TRPC4: variants seen among roughly 807,000 people sequenced by gnomAD.
TRPC4 encodes the protein transient receptor potential cation channel subfamily C member 4, also known as short transient receptor potential channel 4.
In TRPC4, 49 loss-of-function variants were observed where a neutral mutation model predicts 99.4. That is an observed-to-expected ratio of 0.49 (90% CI 0.39 to 0.63). The LOEUF (loss-of-function observed/expected upper bound fraction) is 0.63. TRPC4 is among the 20% of genes least tolerant of loss of function. The probability of loss-of-function intolerance (pLI) is 0.00; values close to 1 mark genes in which losing one functional copy is unlikely to be tolerated. For missense variants in TRPC4, 898 were observed against 1,152.9 expected (o/e 0.78, Z 3.20); for synonymous variants, 454 against 425.9 (o/e 1.07, Z -0.81).
At position 37,846,886 on chromosome 13, in the gene TRPC4, G is replaced by A. The variant is rs954413561; in HGVS notation, c.-28+22709C>T. 3.3e-5 allele frequency among the ~76,000 whole-genome samples: 5 copies of A among 151,890 alleles called. No homozygotes were observed. The South Asian group carries it at 8.3e-4, about 25-fold the overall frequency. On this transcript the variant is annotated intron_variant, in intron 1 of 10. Transcript: ENST00000379705. Reference sequence around the variant, plus strand: ...TTGGAAAAAAGTATTTCCCACAAATGGAAATTAAGAGAATAAGAGTAGTTA... The same window carrying A: ...TTGGAAAAAAGTATTTCCCACAAATAGAAATTAAGAGAATAAGAGTAGTTA...
chr13:37,783,922 G>A (rs540589737), intron 1 of TRPC4, among the ~76,000 whole-genome samples: 1 of 151,816 alleles, frequency 6.6e-6, no homozygotes, highest in African/African-American at 2.4e-5. Context: ...TGCCCAGGCT[G>A]GTCTCGAACT....
intron 3 of TRPC4, among the ~76,000 whole-genome samples, chr13:37,708,814 C>T (rs1385894399): frequency 6.6e-6 from 1 of 151,052 alleles, no homozygotes; most frequent in East Asian, 1.9e-4. Flanking sequence ...GTAAAAGTTC[C>T]AGAAAGTGTC....
Position 37,783,493 on chromosome 13 carries a change from T to G in TRPC4, c.-27-133A>C, listed in dbSNP as rs920139310. On this transcript the variant is annotated intron_variant, in intron 1 of 10. Coordinates refer to ENST00000379705, the MANE Select transcript of TRPC4 (RefSeq NM_016179.4). ...ATTAGTAACTATTAAGAGTTAAGGT[T>G]TTTTTTTTTCTTCAACAATATAAAT... 213 of 560,112 alleles carry G rather than the reference T, an allele frequency of 3.8e-4. 1 individual carries two copies. In the East Asian group the frequency reaches 4.1e-3, roughly 11 times the overall value. The allele number at this position is 560,112 out of a possible 1,614,324, so 34.7% of individuals were successfully genotyped here.
intron 3 of TRPC4, among the ~76,000 whole-genome samples, chr13:37,714,867 T>G (rs1954609161): frequency 6.6e-6 from 1 of 152,238 alleles, no homozygotes; most frequent in South Asian, 2.1e-4. Context: ...TGAGCCATTA[T>G]TTTTTATAAT....
chr13:37,858,528 T>A (rs2139706074), intron 1 of TRPC4, among the ~76,000 whole-genome samples: 1 of 151,708 alleles, frequency 6.6e-6, no homozygotes, highest in East Asian at 1.9e-4. Context: ...GCAACCTAAG[T>A]ATCCGTCAAC....
intron 3 of TRPC4, among the ~76,000 whole-genome samples, chr13:37,726,023 C>T (rs1955043787): frequency 6.6e-6 from 1 of 151,934 alleles, no homozygotes; most frequent in African/African-American, 2.4e-5. Context: ...TGGTGAAACC[C>T]CTTCTCTACT....
intron 1 of TRPC4, among the ~76,000 whole-genome samples, chr13:37,824,808 C>T (rs892089890): frequency 1.3e-5 from 2 of 151,924 alleles, no homozygotes; most frequent in Admixed American, 6.6e-5. Context: ...GGGAGGATTC[C>T]CTCTTTTTCT....
chr13:37,696,381 G>T (rs1953905149), intron 3 of TRPC4, among the ~76,000 whole-genome samples: 1 of 152,120 alleles, frequency 6.6e-6, no homozygotes, highest in Non-Finnish European at 1.5e-5. Context: ...CATGGACAAA[G>T]TAAGCAGAAA....
At chr13:37,764,742 T>A (rs1956313536) in intron 2 of TRPC4, among the ~76,000 whole-genome samples, 1 of 151,208 alleles carries the variant, frequency 6.6e-6, no homozygotes, top group South Asian at 2.1e-4. Flanking sequence ...ATTCCATTCT[T>A]GGTTTGCTAA....
At chr13:37,655,429 A>T (rs1464217557) in intron 6 of TRPC4, 146 bp from the exon 7 acceptor site, 2 of 307,036 alleles carry the variant, frequency 6.5e-6, no homozygotes, top group East Asian at 7.0e-5. Flanking sequence ...ACCTTTTAGG[A>T]CAATTATAAA....
intron 3 of TRPC4, among the ~76,000 whole-genome samples, chr13:37,734,207 G>T (rs1341920388): frequency 2.0e-5 from 3 of 152,048 alleles, no homozygotes; most frequent in Admixed American, 6.6e-5. Context: ...CTCAATTAAG[G>T]TGTTTTATTT....
chr13:37,844,125 G>C (rs1364457422), intron 1 of TRPC4, among the ~76,000 whole-genome samples: 2 of 152,196 alleles, frequency 1.3e-5, no homozygotes, highest in African/African-American at 4.8e-5. Flanking sequence ...AGCATGGCTA[G>C]ATTACCTGAG....
intron 1 of TRPC4, among the ~76,000 whole-genome samples, chr13:37,815,235 T>C (rs1957815971): frequency 1.3e-5 from 2 of 151,756 alleles, no homozygotes; most frequent in South Asian, 4.1e-4. Flanking sequence ...AACTAGCTAA[T>C]GACACACTGA....
At chr13:37,764,119 G>A (rs1956294559) in intron 2 of TRPC4, among the ~76,000 whole-genome samples, 1 of 151,560 alleles carries the variant, frequency 6.6e-6, no homozygotes. Context: ...AGAAGCAACA[G>A]CTGAGTATGA....
intron 7 of TRPC4, among the ~76,000 whole-genome samples, chr13:37,653,851 C>T (rs943344841): frequency 2.0e-5 from 3 of 152,044 alleles, no homozygotes; most frequent in Non-Finnish European, 4.4e-5. Flanking sequence ...TTGTTGCTGA[C>T]GTTCTGGAAA....
intron 1 of TRPC4, among the ~76,000 whole-genome samples, chr13:37,806,449 T>C (rs1015912126): frequency 2.0e-5 from 3 of 152,048 alleles, no homozygotes; most frequent in African/African-American, 7.2e-5. Flanking sequence ...AAAACTTAGC[T>C]AAAATGCATT....
At chr13:37,853,648 T>G (rs1436303096) in intron 1 of TRPC4, among the ~76,000 whole-genome samples, 2 of 152,154 alleles carry the variant, frequency 1.3e-5, no homozygotes, top group African/African-American at 2.4e-5. Flanking sequence ...TCAAAATAGC[T>G]GTTTTAAGGA....
intron 3 of TRPC4, among the ~76,000 whole-genome samples, chr13:37,712,059 T>C (rs997370090): frequency 6.6e-6 from 1 of 152,132 alleles, no homozygotes; most frequent in African/African-American, 2.4e-5. Flanking sequence ...AGTGCTTAAA[T>C]GCCTCATGTG....
chr13:37,755,041 C>T (rs1475185526), intron 2 of TRPC4, among the ~76,000 whole-genome samples: 1 of 152,026 alleles, frequency 6.6e-6, no homozygotes, highest in African/African-American at 2.4e-5. Context: ...AAATTTATCT[C>T]TGTCACTAAA....
Sources: gnomAD v4.1 joint callset for allele counts (sites outside exome capture counted in the v4.1 genomes callset) on GRCh38, gnomAD v4.1.1 for gene constraint, MANE v1.5 for transcripts, NCBI Gene and HGNC (gene_info 2026-07-23, HGNC 2026-07-21) for gene names.